Variants in FAAH2 observed in about 807,000 individuals in gnomAD.
FAAH2 encodes the protein fatty-acid amide hydrolase 2.
In FAAH2, 60 loss-of-function variants were observed where a neutral mutation model predicts 36.9. That is an observed-to-expected ratio of 1.63 (90% CI 1.32 to 2.02). FAAH2 has a LOEUF of 2.02. Among genes scored for constraint, FAAH2 ranks in the 30% most tolerant of loss-of-function variants. The pLI, the probability that FAAH2 is intolerant of heterozygous loss-of-function variation, is 0.00. For synonymous variants in FAAH2, 214 were observed against 143.8 expected, an observed-to-expected ratio of 1.49 and a Z score of -3.49; for missense variants, 689 against 397.5, an observed-to-expected ratio of 1.73 and a Z score of -6.23.
At chrX:57,302,581 C>G (rs1335176478) in intron 2 of FAAH2, among the ~76,000 whole-genome samples, 1 of 110,876 alleles carries the variant, frequency 9.0e-6, no homozygotes, top group South Asian at 3.8e-4. Flanking sequence ...TGATCCAAGA[C>G]TGGAGAGGTG....
At chrX:57,434,163 C>A (rs2056362638) in intron 8 of FAAH2, among the ~76,000 whole-genome samples, 1 of 105,655 alleles carries the variant, frequency 9.5e-6, no homozygotes. Context: ...TGGCCTACTG[C>A]AACCTCTGCT....
At chrX:57,429,706 A>G (rs1466082399) in intron 7 of FAAH2, among the ~76,000 whole-genome samples, 1 of 111,098 alleles carries the variant, frequency 9.0e-6, no homozygotes, top group Non-Finnish European at 1.9e-5. Flanking sequence ...AATAAATTTT[A>G]TACAAAAGGA....
rs568805382 is a variant in FAAH2, at chrX:57,403,137, G to A, written c.996+22108G>A. On this transcript the variant is annotated intron_variant, in intron 7 of 10. Transcript: ENST00000374900. ...AAGGCACATGCACTCTGACTGGGCCGAATTCTCCAGAATACATCTTAGGGG... is the reference window on the plus strand; with the variant it reads ...AAGGCACATGCACTCTGACTGGGCCAAATTCTCCAGAATACATCTTAGGGG... Among the ~76,000 whole-genome samples the A allele has an allele frequency of 8.1e-5, 9 of 111,738 alleles. No homozygotes were observed. The South Asian group carries it at 1.1e-3, about 14-fold the overall frequency.
the FAAH2 span, among the ~76,000 whole-genome samples, chrX:57,221,385 A>G: frequency 9.0e-6 from 1 of 110,655 alleles, no homozygotes; most frequent in Non-Finnish European, 1.9e-5. Flanking sequence ...ATACTTCCAC[A>G]CCCTCAGTCG....
chrX:57,341,270 G>T lies in FAAH2; in HGVS notation c.623-1G>T. ...TTGCAAGTATTTTGTGTTTCTTGTA[G>T]GTGGTGAGGGCTGCACACTGGCAGC... On this transcript the variant is annotated splice_acceptor_variant, in intron 4 of 10. Coordinates refer to ENST00000374900, the MANE Select transcript of FAAH2 (RefSeq NM_174912.4). LOFTEE classifies it high-confidence loss of function. 1.7e-6 allele frequency: 2 copies of T among 1,200,151 alleles called. No individual in the cohort carries two copies. Among genetic ancestry groups the T allele is most frequent in the South Asian group, 3.7e-5 (2 of 54,525 alleles).
At position 57,489,172 on chromosome X, in the gene FAAH2, C is replaced by T. The variant is rs888180150; in HGVS notation, c.*240C>T. On this transcript the variant is annotated 3_prime_UTR_variant, in exon 11 of 11. Coordinates refer to ENST00000374900, the MANE Select transcript of FAAH2 (RefSeq NM_174912.4). ...ATTAGGACATGTAAATGGATAAGTG[C>T]AATAAAGTTTCCTAAATGCTGGAAT... 3.1e-6 allele frequency: 1 copy of T among 326,206 alleles called. No individual in the cohort carries two copies. The highest frequency in any genetic ancestry group is 5.2e-6 in the Non-Finnish European group (1 of 193,210). 26.9% of individuals were successfully genotyped at this position (326,206 alleles called of 1,213,427 possible). A position where few individuals can be genotyped will look rare whatever the true frequency, so the allele number is the denominator to read the frequency against.
intron 10 of FAAH2, among the ~76,000 whole-genome samples, chrX:57,487,205 C>T (rs2057490494): frequency 9.1e-6 from 1 of 110,114 alleles, no homozygotes; most frequent in South Asian, 3.9e-4. Flanking sequence ...ATGAGTACAT[C>T]TTCATGACCT....
rs764113600 is a variant in FAAH2, at chrX:57,286,846, C to T, written c.21C>T (p.Ala7=). 2 of 1,184,771 alleles carry T rather than the reference C, an allele frequency of 1.7e-6. No homozygotes were observed. Among genetic ancestry groups the T allele is most frequent in the Non-Finnish European group, 2.3e-6 (2 of 881,465 alleles). Residue 7 remains alanine (A), a synonymous_variant, in exon 1 of 11, where the codon GCC becomes GCT. Transcript: ENST00000374900. The stretch of plus-strand genomic sequence containing the variant: ...CTGCGATGGCACCTTCATTTACCGC[C>T]CGCATTCAGTTGTTCCTCTTGCGGG... MAPSFT[A]RIQLFLLRAL... is the part of the protein sequence containing the mutation.
At chrX:57,362,211 A>G (rs1005412389) in intron 5 of FAAH2, among the ~76,000 whole-genome samples, 1 of 111,446 alleles carries the variant, frequency 9.0e-6, no homozygotes, top group African/African-American at 3.3e-5. Flanking sequence ...AGGGACATGG[A>G]TGAAGCTGCA....
chrX:57,446,597 C>A (rs1000849767), intron 8 of FAAH2, among the ~76,000 whole-genome samples: 6 of 111,837 alleles, frequency 5.4e-5, no homozygotes, highest in African/African-American at 1.9e-4. Flanking sequence ...ACCTCCATAG[C>A]CTTAAGTAAC....
At chrX:57,377,772 A>G (rs908382665) in intron 5 of FAAH2, among the ~76,000 whole-genome samples, 3 of 112,375 alleles carry the variant, frequency 2.7e-5, no homozygotes, top group African/African-American at 9.7e-5. Flanking sequence ...CTTGCTATCC[A>G]TGAGCATGAA....
the FAAH2 span, chrX:57,135,384 C>G: frequency 6.3e-6 from 1 of 159,140 alleles, no homozygotes; most frequent in African/African-American, 3.2e-5. Context: ...TCCCCTCCCC[C>G]AAGGAGCCCC....
At chrX:57,197,864 C>T in the FAAH2 span, among the ~76,000 whole-genome samples, 1 of 112,181 alleles carries the variant, frequency 8.9e-6, no homozygotes, top group African/African-American at 3.2e-5. Context: ...GTTGTGCTAG[C>T]AGTGAACTTG....
the FAAH2 span, among the ~76,000 whole-genome samples, chrX:57,197,544 T>TA: frequency 6.6e-5 from 3 of 45,560 alleles, no homozygotes; most frequent in African/African-American, 1.7e-3. Context: ...TATTCAGATA[T>TA]TTTTTTTTTG....
upstream of FAAH2, among the ~76,000 whole-genome samples, chrX:57,286,437 C>G (rs1323437665): frequency 9.0e-6 from 1 of 111,067 alleles, no homozygotes; most frequent in Non-Finnish European, 1.9e-5. Flanking sequence ...TTATGGTAAC[C>G]CTTTGATATA....
intron 1 of FAAH2, among the ~76,000 whole-genome samples, chrX:57,289,086 T>C (rs887929539): frequency 8.9e-6 from 1 of 112,232 alleles, no homozygotes; most frequent in African/African-American, 3.2e-5. Flanking sequence ...GTAAATTGAA[T>C]CTTCATAATG....
the FAAH2 span, among the ~76,000 whole-genome samples, chrX:57,268,743 C>T: frequency 9.0e-6 from 1 of 111,315 alleles, no homozygotes; most frequent in Non-Finnish European, 1.9e-5. Context: ...TCTTTTCTCA[C>T]TAAATATGGA....
the FAAH2 span, among the ~76,000 whole-genome samples, chrX:57,158,380 G>C: frequency 8.9e-6 from 1 of 112,089 alleles, no homozygotes; most frequent in South Asian, 3.7e-4. Flanking sequence ...GGGTGGCTGT[G>C]TCAAATGGTA....
chrX:57,366,721 G>T (rs996601725), intron 5 of FAAH2, among the ~76,000 whole-genome samples: 1 of 112,588 alleles, frequency 8.9e-6, no homozygotes, highest in Admixed American at 9.3e-5. Flanking sequence ...GCCACTGAGG[G>T]ATCGATGGCA....
Sources: gnomAD v4.1 joint callset for allele counts (sites outside exome capture counted in the v4.1 genomes callset) on GRCh38, gnomAD v4.1.1 for gene constraint, MANE v1.5 for transcripts, NCBI Gene and HGNC (gene_info 2026-07-23, HGNC 2026-07-21) for gene names.